Variants in TRAF3 observed in about 807,000 individuals in gnomAD.
The protein encoded by TRAF3 is TNF receptor-associated factor 3.
TRAF3 carries 13 observed loss-of-function variants against 62.3 expected under a neutral mutation model. That is an observed-to-expected ratio of 0.21 (90% confidence interval 0.14 to 0.33). TRAF3 has a LOEUF of 0.33. Ranked by LOEUF, TRAF3 falls within the 10% of genes least tolerant of loss-of-function variation. The probability of loss-of-function intolerance (pLI) is 1.00; values close to 1 mark genes in which losing one functional copy is unlikely to be tolerated. For synonymous variants in TRAF3, 269 were observed against 283.4 expected (o/e 0.95, Z 0.51); for missense variants, 440 against 741.8 (o/e 0.59, Z 4.73).
At position 102,903,311 on chromosome 14, in the gene TRAF3, C is replaced by T; in HGVS notation, c.1017C>T (p.Pro339=). 3 of 1,614,222 alleles carry T rather than the reference C, an allele frequency of 1.9e-6. No individual in the cohort carries two copies. The highest frequency in any genetic ancestry group is 2.5e-6 in the Non-Finnish European group (3 of 1,180,046). ...AGGAGCTTGACAAGGAGATCCGGCC[C>T]TTCCGGCAGAACTGGGAGGAAGCAG... The part of the protein sequence containing the change: ...KLKELDKEIR[P]FRQNWEEADS... Residue 339 remains proline, a synonymous_variant, in exon 11 of 12, where the codon CCC becomes CCT. Transcript: ENST00000392745. This position sits in a 1 kb window ranked among gnomAD's most constrained non-coding sequence, Gnocchi z 6.4.
intron 10 of TRAF3, among the ~76,000 whole-genome samples, chr14:102,902,029 T>TG (rs1890329770): frequency 6.6e-6 from 1 of 152,218 alleles, no homozygotes; most frequent in Non-Finnish European, 1.5e-5. Context: ...ATCTCACAGG[T>TG]GGACACTCCA....
At position 102,791,074 on chromosome 14, in the gene TRAF3, T is replaced by C. The variant is rs139802890; in HGVS notation, c.-157+13399T>C. On this transcript the variant is annotated intron_variant, in intron 1 of 11. Transcript: ENST00000392745. ...TCGCTCTGTTCCCCAGGCTGGAGTG[T>C]AGTGGCACAGTCTCGGCTCACTGCA... 5.1e-3 allele frequency among the ~76,000 whole-genome samples: 774 copies of C among 150,622 alleles called. 6 individuals are homozygous for C. The highest frequency in any genetic ancestry group is 9.8e-3 in the Admixed American group (147 of 15,042).
chr14:102,835,911 G>C (rs150334547), intron 2 of TRAF3, among the ~76,000 whole-genome samples: 79 of 152,124 alleles, frequency 5.2e-4, no homozygotes, highest in Non-Finnish European at 9.0e-4. Flanking sequence ...TAAAATAAAA[G>C]TAAAAAAAAA....
chr14:102,885,983 G>T (rs1889359382), intron 6 of TRAF3, among the ~76,000 whole-genome samples: 1 of 152,162 alleles, frequency 6.6e-6, no homozygotes, highest in Admixed American at 6.5e-5. Context: ...GGTCAGATCT[G>T]ACCAGATCTT....
rs1008239701 is a variant in TRAF3, at chr14:102,795,991, C to T, written c.-157+18316C>T. Among the ~76,000 whole-genome samples, 5 of 152,044 alleles carry T rather than the reference C, an allele frequency of 3.3e-5. No homozygotes were observed. The East Asian group carries it at 5.8e-4, about 18-fold the overall frequency. On this transcript the variant is annotated intron_variant, in intron 1 of 11. Coordinates refer to ENST00000392745, the MANE Select transcript of TRAF3 (RefSeq NM_145725.3). Reference sequence around the variant, plus strand: ...CAGCACTTTGGGAGGCTGAGGCGGGCGGATCACCTGAGGTCAGGAGTTTGA... The same window carrying T: ...CAGCACTTTGGGAGGCTGAGGCGGGTGGATCACCTGAGGTCAGGAGTTTGA...
intron 1 of TRAF3, among the ~76,000 whole-genome samples, chr14:102,791,823 T>TC (rs893387462): frequency 6.6e-6 from 1 of 151,858 alleles, no homozygotes; most frequent in African/African-American, 2.4e-5. Flanking sequence ...CTTTTTTTTT[T>TC]TGTTTTTGAC....
At position 102,903,165 on chromosome 14, in the gene TRAF3, G is replaced by C; in HGVS notation, c.961-90G>C. On this transcript the variant is annotated intron_variant, in intron 10 of 11. Coordinates refer to ENST00000392745, the MANE Select transcript of TRAF3 (RefSeq NM_145725.3). The surrounding 1 kb of genome is among the most constrained non-coding windows in gnomAD (Gnocchi z 6.4). ...TCATACAGGGGCCTCTGACTGTTCT[G>C]CTCCTAGCCTGTCTGTATTTGATGG... 2 of 1,585,634 alleles carry C rather than the reference G, an allele frequency of 1.3e-6. No individual in the cohort carries two copies. The highest frequency in any genetic ancestry group is 1.7e-5 in the Admixed American group (1 of 59,846).
chr14:102,891,199 G>T, intron 8 of TRAF3, 126 bp from the exon 9 acceptor site: 1 of 901,494 alleles, frequency 1.1e-6, no homozygotes. Flanking sequence ...GAGATTCCCT[G>T]TTCACTTGAC....
chr14:102,863,261 A>G (rs773917562), intron 2 of TRAF3, among the ~76,000 whole-genome samples: 2 of 152,096 alleles, frequency 1.3e-5, no homozygotes, highest in Non-Finnish European at 2.9e-5. Context: ...CTTCTCCCCC[A>G]GGGTTTATTG....
At chr14:102,842,152 G>A (rs1194761477) in intron 2 of TRAF3, among the ~76,000 whole-genome samples, 1 of 151,814 alleles carries the variant, frequency 6.6e-6, no homozygotes, top group Non-Finnish European at 1.5e-5. Context: ...ACTGAGGCAG[G>A]AGGATCACTT....
chr14:102,819,812 T>C (rs1899778472), intron 1 of TRAF3, among the ~76,000 whole-genome samples: 1 of 152,234 alleles, frequency 6.6e-6, no homozygotes, highest in Non-Finnish European at 1.5e-5. Flanking sequence ...TATATGAATA[T>C]TCACACTAAG....
chr14:102,845,939 C>A (rs967971856), intron 2 of TRAF3, among the ~76,000 whole-genome samples: 1 of 134,216 alleles, frequency 7.5e-6, no homozygotes, highest in Non-Finnish European at 1.5e-5. Context: ...CATGATCATG[C>A]CACTGCACTC....
At chr14:102,873,639 A>G (rs567830948) in intron 4 of TRAF3, among the ~76,000 whole-genome samples, 122 of 152,324 alleles carry the variant, frequency 8.0e-4, no homozygotes, top group African/African-American at 2.8e-3. Flanking sequence ...ACCCGTCAGC[A>G]GGTCATCCAG....
At chr14:102,870,865 C>T (rs976330508) in intron 3 of TRAF3, among the ~76,000 whole-genome samples, 3 of 152,200 alleles carry the variant, frequency 2.0e-5, no homozygotes, top group Admixed American at 2.0e-4. Flanking sequence ...CAGGTCCCTA[C>T]CCGAGCAGAA....
At chr14:102,815,589 T>C (rs1487147143) in intron 1 of TRAF3, among the ~76,000 whole-genome samples, 4 of 152,178 alleles carry the variant, frequency 2.6e-5, no homozygotes, top group Admixed American at 6.5e-5. Context: ...CCAGTTTCAT[T>C]CTTTTACATG....
intron 1 of TRAF3, among the ~76,000 whole-genome samples, chr14:102,789,407 C>T (rs779904559): frequency 7.2e-5 from 11 of 152,142 alleles, no homozygotes; most frequent in Admixed American, 2.0e-4. Context: ...ACGGTAATAT[C>T]GTGTTTAACT....
At chr14:102,801,562 T>C (rs980085720) in intron 1 of TRAF3, among the ~76,000 whole-genome samples, 1 of 151,984 alleles carries the variant, frequency 6.6e-6, no homozygotes, top group African/African-American at 2.4e-5. Context: ...TGAGACAGTG[T>C]CTCACTCTGT....
chr14:102,822,223 C>G (rs1900030240), intron 1 of TRAF3, among the ~76,000 whole-genome samples: 1 of 152,102 alleles, frequency 6.6e-6, no homozygotes, highest in Non-Finnish European at 1.5e-5. Flanking sequence ...ATGTTATTCA[C>G]CGTGAAGCAC....
chr14:102,827,540 AC>A (rs1192545339), intron 1 of TRAF3, among the ~76,000 whole-genome samples: 1 of 152,204 alleles, frequency 6.6e-6, no homozygotes, highest in African/African-American at 2.4e-5. Flanking sequence ...TTTGACTGTG[AC>A]CCGTCACGTG....
Sources: allele counts gnomAD v4.1 joint callset (sites outside exome capture counted in the v4.1 genomes callset), GRCh38; gene constraint gnomAD v4.1.1; non-coding constraint Gnocchi (gnomAD v3.1); transcripts MANE v1.5; gene names NCBI Gene and HGNC (gene_info 2026-07-23, HGNC 2026-07-21).